The following PARD3 variants were observed in gnomAD, a reference collection of about 807,000 sequenced individuals.
PARD3 encodes the protein par-3 family cell polarity regulator.
Under a neutral mutation model 155.4 loss-of-function variants are expected in PARD3, and 75 were observed. The ratio of observed to expected loss-of-function variants is 0.48; its 90% CI spans 0.40 to 0.58. The LOEUF is 0.58. Among genes scored for constraint, PARD3 ranks in the 20% least tolerant of loss-of-function variants. PARD3 has a pLI of 0.00. For missense variants in PARD3, 1,642 were observed against 1,721.7 expected, an observed-to-expected ratio of 0.95 and a Z score of 0.82; for synonymous variants, 576 against 610.5, an observed-to-expected ratio of 0.94 and a Z score of 0.83.
intron 7 of PARD3, among the ~76,000 whole-genome samples, chr10:34,388,879 T>C (rs1054550801): frequency 3.3e-5 from 5 of 152,344 alleles, no homozygotes; most frequent in Admixed American, 6.5e-5. Flanking sequence ...AGATTTGTTA[T>C]GCTAGGACAA....
At chr10:34,660,086 C>T (rs1409369816) in intron 2 of PARD3, among the ~76,000 whole-genome samples, 1 of 152,104 alleles carries the variant, frequency 6.6e-6, no homozygotes, top group Non-Finnish European at 1.5e-5. Context: ...CAAATCTTCC[C>T]CTCTATTGTT....
intron 22 of PARD3, among the ~76,000 whole-genome samples, chr10:34,247,128 T>C (rs1028091338): frequency 6.6e-6 from 1 of 151,720 alleles, no homozygotes; most frequent in Non-Finnish European, 1.5e-5. Flanking sequence ...AAATGTATAA[T>C]GTCTGACATC....
chr10:34,779,307 AAAAAT>A (rs1294303117), intron 1 of PARD3, among the ~76,000 whole-genome samples: 25 of 142,558 alleles, frequency 1.8e-4, no homozygotes, highest in African/African-American at 5.3e-4. Context: ...CTCCATCTCA[AAAAAT>A]AAAATAAAAT....
intron 19 of PARD3, among the ~76,000 whole-genome samples, chr10:34,327,171 T>A (rs931268804): frequency 2.6e-5 from 4 of 152,182 alleles, no homozygotes; most frequent in Non-Finnish European, 5.9e-5. Context: ...AGGCTGGGCA[T>A]GTAATTTGCA....
intron 22 of PARD3, among the ~76,000 whole-genome samples, chr10:34,157,531 TG>T (rs1949066112): frequency 6.6e-6 from 1 of 152,234 alleles, no homozygotes; most frequent in Non-Finnish European, 1.5e-5. Flanking sequence ...TTATATTCTC[TG>T]CACCTCCTAA....
intron 20 of PARD3, among the ~76,000 whole-genome samples, chr10:34,291,781 T>A (rs1428446710): frequency 6.6e-6 from 1 of 152,226 alleles, no homozygotes; most frequent in African/African-American, 2.4e-5. Context: ...GTGCACTGGC[T>A]CATGCCTGTA....
At chr10:34,299,500 T>C (rs1957054322) in intron 20 of PARD3, among the ~76,000 whole-genome samples, 1 of 152,150 alleles carries the variant, frequency 6.6e-6, no homozygotes. Flanking sequence ...AAGGGAGAGG[T>C]CTTTTCCCTT....
chr10:34,556,385 CTT>C (rs5784421), intron 2 of PARD3, among the ~76,000 whole-genome samples: 140 of 137,326 alleles, frequency 1.0e-3, no homozygotes, highest in African/African-American at 1.5e-3. Flanking sequence ...TTTCTTCTTT[CTT>C]TTTTTTTTTT....
At chr10:34,305,196 T>C (rs966014285) in intron 20 of PARD3, among the ~76,000 whole-genome samples, 2 of 152,180 alleles carry the variant, frequency 1.3e-5, no homozygotes, top group African/African-American at 4.8e-5. Context: ...ATAAATGTCA[T>C]GGGAGAAGAA....
intron 2 of PARD3, among the ~76,000 whole-genome samples, chr10:34,625,390 G>T (rs977330345): frequency 6.6e-6 from 1 of 152,216 alleles, no homozygotes; most frequent in African/African-American, 2.4e-5. Flanking sequence ...TGGGCTGCTG[G>T]TGAGACCCAA....
chr10:34,465,267 T>C (rs939638128), intron 4 of PARD3, among the ~76,000 whole-genome samples: 8 of 152,134 alleles, frequency 5.3e-5, no homozygotes, highest in African/African-American at 1.9e-4. Context: ...CCTGCTTCTA[T>C]ATACCCTTCA....
intron 2 of PARD3, among the ~76,000 whole-genome samples, chr10:34,547,606 G>A (rs987542573): frequency 6.6e-6 from 1 of 152,164 alleles, no homozygotes; most frequent in African/African-American, 2.4e-5. Context: ...GCAGGGTAGT[G>A]GATAGTAAGT....
rs142307338 is a variant in PARD3, at chr10:34,734,322, C to CTTTTTTT, written c.121-37910_121-37904dup. 7.6e-4 allele frequency among the ~76,000 whole-genome samples: 52 copies of CTTTTTTT among 68,008 alleles called. 2 individuals are homozygous for CTTTTTTT. The highest frequency in any genetic ancestry group is 3.1e-3 in the African/African-American group (51 of 16,706). The allele number at this position is 68,008 out of a possible 152,430, so 44.6% of individuals were successfully genotyped here. ...ACACATATAACAAATATATGGGGCC[C>CTTTTTTT]TTTTTTTTTTTTTTTTTTTTTTTTT... On this transcript the variant is annotated intron_variant, in intron 1 of 24. Transcript: ENST00000374788.
chr10:34,532,643 G>A (rs2082938392), intron 2 of PARD3, among the ~76,000 whole-genome samples: 1 of 152,108 alleles, frequency 6.6e-6, no homozygotes, highest in African/African-American at 2.4e-5. Flanking sequence ...ATAGATCCTT[G>A]TTCTATGAGA....
intron 20 of PARD3, among the ~76,000 whole-genome samples, chr10:34,307,355 G>A (rs887853930): frequency 2.0e-5 from 3 of 152,030 alleles, no homozygotes; most frequent in Non-Finnish European, 2.9e-5. Flanking sequence ...GGATGTTACC[G>A]AGCCTGTGAA....
chr10:34,325,026 T>C (rs993831358), intron 19 of PARD3, among the ~76,000 whole-genome samples: 8 of 152,176 alleles, frequency 5.3e-5, no homozygotes, highest in African/African-American at 1.9e-4. Flanking sequence ...ATCTTTTTTT[T>C]TGAGATGGAG....
chr10:34,228,364 T>C (rs73270705), intron 22 of PARD3, among the ~76,000 whole-genome samples: 5,799 of 151,998 alleles, frequency 0.038, 286 homozygotes, highest in East Asian at 0.11. Context: ...AATTTGCCCA[T>C]GTAACAAACT....
chr10:34,306,604 G>A (rs562940973), intron 20 of PARD3, among the ~76,000 whole-genome samples: 6 of 152,188 alleles, frequency 3.9e-5, no homozygotes, highest in East Asian at 3.9e-4. Context: ...AGCTGAAATC[G>A]TGCCGTCGCA....
At chr10:34,114,142 G>A (rs1229642136) in intron 24 of PARD3, among the ~76,000 whole-genome samples, 1 of 151,956 alleles carries the variant, frequency 6.6e-6, no homozygotes, top group Non-Finnish European at 1.5e-5. Flanking sequence ...GGTGCCTGTA[G>A]TCCCAGCAAC....
Sources: gnomAD v4.1 joint callset for allele counts (sites outside exome capture counted in the v4.1 genomes callset) on GRCh38, gnomAD v4.1.1 for gene constraint, MANE v1.5 for transcripts, NCBI Gene and HGNC (gene_info 2026-07-23, HGNC 2026-07-21) for gene names.